CNTN3: variants seen among roughly 807,000 people sequenced by gnomAD.
CNTN3 encodes the protein contactin-3.
Under a neutral mutation model 119.1 loss-of-function variants are expected in CNTN3, and 60 were observed. The observed-to-expected ratio is 0.50, with a 90% CI of 0.41 to 0.62. The LOEUF (loss-of-function observed/expected upper bound fraction) is 0.62, where lower values mean the gene tolerates loss of function less well. Among genes scored for constraint, CNTN3 ranks in the 20% least tolerant of loss-of-function variants. The probability of loss-of-function intolerance (pLI) is 0.00; values close to 1 mark genes in which losing one functional copy is unlikely to be tolerated. For missense variants in CNTN3, 1,101 were observed against 1,242.4 expected (o/e 0.89, Z 1.71); for synonymous variants, 450 against 438.7 (o/e 1.03, Z -0.32).
intron 3 of CNTN3, among the ~76,000 whole-genome samples, chr3:74,489,619 T>C (rs1244114948): frequency 4.0e-5 from 6 of 150,748 alleles, no homozygotes; most frequent in Admixed American, 1.3e-4. Flanking sequence ...CTAGTTTCTG[T>C]TCCCACCCCC....
At chr3:74,594,273 C>CTTTTTTTTTTTTTTTTTTTTTTTTT (rs59436860) in intron 1 of CNTN3, among the ~76,000 whole-genome samples, 4 of 112,048 alleles carry the variant, frequency 3.6e-5, no homozygotes, top group African/African-American at 6.0e-5. Context: ...TTCTTTTTTT[C>CTTTTTTTTTTTTTTTTTTTTTTTTT]TTTTTTTTTT....
At chr3:74,501,367 A>T (rs1396486334) in intron 2 of CNTN3, among the ~76,000 whole-genome samples, 1 of 151,726 alleles carries the variant, frequency 6.6e-6, no homozygotes, top group Non-Finnish European at 1.5e-5. Context: ...TGGCTATCAT[A>T]CTCCTTGAGT....
At chr3:74,295,298 T>A in intron 18 of CNTN3, 62 bp from the exon 19 acceptor site, 1 of 823,724 alleles carries the variant, frequency 1.2e-6, no homozygotes, top group South Asian at 1.7e-5. Context: ...AAACACAGAT[T>A]AATGTTCTTA....
At chr3:74,285,810 T>TATATATATAC (rs1363176456) in intron 19 of CNTN3, among the ~76,000 whole-genome samples, 1 of 105,254 alleles carries the variant, frequency 9.5e-6, no homozygotes, top group East Asian at 2.6e-4. Flanking sequence ...TATATATATA[T>TATATATATAC]ATATATATAT....
intron 1 of CNTN3, among the ~76,000 whole-genome samples, chr3:74,600,211 G>A (rs1349455617): frequency 6.6e-6 from 1 of 151,974 alleles, no homozygotes; most frequent in African/African-American, 2.4e-5. Context: ...AAGGTTTAAG[G>A]TGAATAGGGG....
chr3:74,321,581 G>A (rs1342787625), intron 13 of CNTN3, among the ~76,000 whole-genome samples: 1 of 151,960 alleles, frequency 6.6e-6, no homozygotes, highest in African/African-American at 2.4e-5. Flanking sequence ...CTTGAAAACT[G>A]CAAGTCAACA....
intron 1 of CNTN3, among the ~76,000 whole-genome samples, chr3:74,612,203 A>G (rs1282739510): frequency 1.3e-5 from 2 of 152,184 alleles, no homozygotes; most frequent in Admixed American, 6.5e-5. Flanking sequence ...CTTGTAAAAG[A>G]GAAAGATGCA....
chr3:74,379,461 C>G (rs933733111), intron 5 of CNTN3, among the ~76,000 whole-genome samples: 1 of 152,144 alleles, frequency 6.6e-6, no homozygotes, highest in Non-Finnish European at 1.5e-5. Flanking sequence ...TAACAAATGT[C>G]TCTTTCCTGG....
At chr3:74,346,922 G>C (rs2593982) in intron 11 of CNTN3, among the ~76,000 whole-genome samples, 66,307 of 151,928 alleles carry the variant, frequency 0.44, 17,429 homozygotes, top group African/African-American at 0.76. Context: ...CAATTTTTTA[G>C]ATTTCTAAGA....
At position 74,486,661 on chromosome 3, in the gene CNTN3, C is replaced by T. The variant is rs1322287818; in HGVS notation, c.183-30G>A. 1.2e-5 allele frequency: 18 copies of T among 1,483,658 alleles called. No individual in the cohort carries two copies. In the South Asian group the frequency reaches 1.4e-4, roughly 12 times the overall value. 91.9% of individuals were successfully genotyped at this position (1,483,658 alleles called of 1,614,324 possible). ...AAAACAAATATCAAGGTTCCCCCCC[C>T]TTAGTATTTTTAACTTAAAAGAAGG... On this transcript the variant is annotated intron_variant, in intron 3 of 22. Transcript: ENST00000263665.
intron 17 of CNTN3, among the ~76,000 whole-genome samples, chr3:74,299,041 T>C (rs537206299): frequency 6.6e-6 from 1 of 152,178 alleles, no homozygotes; most frequent in East Asian, 1.9e-4. Flanking sequence ...ACTCCGTCTC[T>C]ACTAAAAATA....
chr3:74,526,190 A>G (rs537319011), intron 1 of CNTN3, among the ~76,000 whole-genome samples: 1 of 144,934 alleles, frequency 6.9e-6, no homozygotes, highest in African/African-American at 2.5e-5. Flanking sequence ...AATTATATTT[A>G]TGAATATATA....
At chr3:74,602,295 C>CAAAAAAA (rs1167052275) in intron 1 of CNTN3, among the ~76,000 whole-genome samples, 10 of 19,692 alleles carry the variant, frequency 5.1e-4, no homozygotes, top group Non-Finnish European at 8.7e-4. Context: ...GACCTGGTCT[C>CAAAAAAA]AAAAAAAAAA....
chr3:74,569,139 C>A (rs1442094388), intron 1 of CNTN3, among the ~76,000 whole-genome samples: 1 of 152,178 alleles, frequency 6.6e-6, no homozygotes. Context: ...CATCTGTATG[C>A]CTAGCTCCCA....
At chr3:74,491,738 C>T (rs1702968131) in intron 3 of CNTN3, among the ~76,000 whole-genome samples, 1 of 152,124 alleles carries the variant, frequency 6.6e-6, no homozygotes, top group Non-Finnish European at 1.5e-5. Context: ...TAGTAGTAAA[C>T]ATTGCCTTTT....
chr3:74,301,035 C>A (rs991836385), intron 16 of CNTN3, among the ~76,000 whole-genome samples: 10 of 152,232 alleles, frequency 6.6e-5, no homozygotes, highest in African/African-American at 9.6e-5. Flanking sequence ...GCAGAACTCC[C>A]AAATGTCATT....
At chr3:74,281,319 T>G (rs2106773569) in intron 20 of CNTN3, among the ~76,000 whole-genome samples, 1 of 152,150 alleles carries the variant, frequency 6.6e-6, no homozygotes, top group South Asian at 2.1e-4. Context: ...TGTGGTATAT[T>G]TTATTTCTTT....
chr3:74,474,262 C>G (rs867582461), intron 4 of CNTN3, among the ~76,000 whole-genome samples: 4 of 152,106 alleles, frequency 2.6e-5, no homozygotes, highest in Admixed American at 1.3e-4. Context: ...AAACATGGCT[C>G]TCAGTTTGGA....
At chr3:74,453,271 C>T (rs1702197377) in intron 4 of CNTN3, among the ~76,000 whole-genome samples, 1 of 152,018 alleles carries the variant, frequency 6.6e-6, no homozygotes, top group Admixed American at 6.6e-5. Context: ...AGGAATTTAT[C>T]CATTTCTTCT....
Sources: allele counts gnomAD v4.1 joint callset (sites outside exome capture counted in the v4.1 genomes callset), GRCh38; gene constraint gnomAD v4.1.1; transcripts MANE v1.5; gene names NCBI Gene and HGNC (gene_info 2026-07-23, HGNC 2026-07-21).